Variants in MARK3 observed in about 807,000 individuals in gnomAD.
MARK3 encodes MAP/microtubule affinity-regulating kinase 3.
In MARK3, 46 loss-of-function variants were observed where a neutral mutation model predicts 90.1. The ratio of observed to expected loss-of-function variants is 0.51; its 90% CI spans 0.40 to 0.65. MARK3 has a LOEUF of 0.65. MARK3 is among the 30% of genes least tolerant of loss of function. The pLI, the probability that MARK3 is intolerant of heterozygous loss-of-function variation, is 0.00. For missense variants in MARK3, 818 were observed against 947.2 expected (o/e 0.86, Z 1.79); for synonymous variants, 321 against 332.6 (o/e 0.97, Z 0.38).
chr14:103,411,092 G>A (rs1254293880), intron 2 of MARK3, among the ~76,000 whole-genome samples: 2 of 152,138 alleles, frequency 1.3e-5, no homozygotes, highest in Non-Finnish European at 2.9e-5. Context: ...GGATAACACG[G>A]TGAAACCCTG....
chr14:103,460,071 A>ATTTTTT (rs1566882596), intron 6 of MARK3, among the ~76,000 whole-genome samples: 12 of 45,574 alleles, frequency 2.6e-4, no homozygotes, highest in South Asian at 2.4e-3. Flanking sequence ...TTCCAGCTCC[A>ATTTTTT]TCTTTTTTTT....
At chr14:103,502,487 G>A (rs1173764205) in intron 17 of MARK3, among the ~76,000 whole-genome samples, 1 of 152,232 alleles carries the variant, frequency 6.6e-6, no homozygotes, top group African/African-American at 2.4e-5. Flanking sequence ...GAGAGGGACA[G>A]CCCAGGGTGG....
intron 15 of MARK3, among the ~76,000 whole-genome samples, chr14:103,495,979 A>G: frequency 6.6e-6 from 1 of 152,150 alleles, no homozygotes; most frequent in East Asian, 1.9e-4. Context: ...GGAAGCCTGC[A>G]CTCTGCTTGG....
chr14:103,424,876 G>A (rs904993858), intron 2 of MARK3, among the ~76,000 whole-genome samples: 7 of 152,150 alleles, frequency 4.6e-5, no homozygotes, highest in African/African-American at 1.4e-4. Context: ...AACACCAGAA[G>A]CCCTGTTTTT....
intron 1 of MARK3, among the ~76,000 whole-genome samples, chr14:103,388,865 C>T (rs185344983): frequency 6.6e-6 from 1 of 152,164 alleles, no homozygotes; most frequent in African/African-American, 2.4e-5. Context: ...CTTTTTATTG[C>T]TGAGTAAGTA....
chr14:103,402,147 C>G (rs1327384957), intron 1 of MARK3, among the ~76,000 whole-genome samples: 1 of 152,126 alleles, frequency 6.6e-6, no homozygotes, highest in Non-Finnish European at 1.5e-5. Flanking sequence ...ACACAAAAAG[C>G]CTGTCCTTGT....
chr14:103,473,298 T>TA (rs1214653478), intron 12 of MARK3, among the ~76,000 whole-genome samples: 2 of 152,130 alleles, frequency 1.3e-5, no homozygotes, highest in Non-Finnish European at 2.9e-5. Context: ...GAACATGTAA[T>TA]AAAAGAGTAT....
intron 3 of MARK3, among the ~76,000 whole-genome samples, chr14:103,436,305 G>A (rs2092714832): frequency 1.3e-5 from 2 of 152,094 alleles, no homozygotes; most frequent in South Asian, 4.1e-4. Context: ...TCCTAGGAAT[G>A]CCTTAGTACC....
rs182661214 is a variant in MARK3 at position 103,405,542 on chromosome 14, C to T, written c.243+275C>T. Among the ~76,000 whole-genome samples, 19 of 151,944 alleles carry T rather than the reference C, an allele frequency of 1.3e-4. 1 individual carries two copies. Among genetic ancestry groups the T allele is most frequent in the African/African-American group, 3.9e-4 (16 of 41,362 alleles). On this transcript the variant is annotated intron_variant, in intron 2 of 17. Transcript: ENST00000429436. ...ATTTTTTGTAGAGACAGGGTTTCAC[C>T]GTGTTAGCCAGGATGGTCTCGATCT...
At chr14:103,496,570 G>A (rs541070582) in intron 15 of MARK3, among the ~76,000 whole-genome samples, 3 of 151,892 alleles carry the variant, frequency 2.0e-5, no homozygotes, top group Admixed American at 1.3e-4. Context: ...ATGTCACCAC[G>A]CCCAGCTAAT....
chr14:103,452,004 A>G, intron 5 of MARK3, 21 bp downstream of exon 5: 1 of 1,551,570 alleles, frequency 6.4e-7, no homozygotes, highest in South Asian at 1.1e-5. Flanking sequence ...TTTTATATAT[A>G]TTGGGTTTTT....
At chr14:103,389,528 C>CAAGAAAAAAA (rs2090069948) in intron 1 of MARK3, among the ~76,000 whole-genome samples, 1 of 49,864 alleles carries the variant, frequency 2.0e-5, no homozygotes, top group Non-Finnish European at 3.4e-5. Context: ...ACTCTGTCTC[C>CAAGAAAAAAA]AAAAAAAAAA....
At chr14:103,477,549 T>C (rs553186618) in intron 13 of MARK3, among the ~76,000 whole-genome samples, 6 of 152,166 alleles carry the variant, frequency 3.9e-5, no homozygotes, top group African/African-American at 1.4e-4. Context: ...TAGTTTTTTG[T>C]TTTGGAAGTT....
At chr14:103,414,206 CTT>C (rs58495929) in intron 2 of MARK3, among the ~76,000 whole-genome samples, 5 of 140,606 alleles carry the variant, frequency 3.6e-5, no homozygotes, top group Admixed American at 1.4e-4. Flanking sequence ...TCTTTTCTTT[CTT>C]TTTTTTTTTT....
chr14:103,442,078 C>T (rs1454431923), intron 3 of MARK3, among the ~76,000 whole-genome samples: 1 of 151,968 alleles, frequency 6.6e-6, no homozygotes, highest in East Asian at 1.9e-4. Context: ...TAATATACAG[C>T]ACCTCCATGG....
At chr14:103,479,102 C>T (rs952791108) in intron 13 of MARK3, among the ~76,000 whole-genome samples, 1 of 152,136 alleles carries the variant, frequency 6.6e-6, no homozygotes, top group African/African-American at 2.4e-5. Context: ...CTCATTGCAA[C>T]TTCGACCTCC....
At chr14:103,455,942 A>G (rs894957753) in intron 5 of MARK3, among the ~76,000 whole-genome samples, 3 of 152,176 alleles carry the variant, frequency 2.0e-5, no homozygotes, top group East Asian at 1.9e-4. Flanking sequence ...TGAAGTAAAG[A>G]TGTTTCCTGA....
chr14:103,500,000 A>T, intron 16 of MARK3, 156 bp from the exon 17 acceptor site: 1 of 669,280 alleles, frequency 1.5e-6, no homozygotes, highest in Non-Finnish European at 2.7e-6. Context: ...CAGTCAAATG[A>T]GAGGAAGAGT....
At position 103,462,396 on chromosome 14, in the gene MARK3, C is replaced by T. The variant is rs369863651; in HGVS notation, c.484-9C>T. 1.8e-5 allele frequency: 28 copies of T among 1,597,176 alleles called. No individual in the cohort carries two copies. In the African/African-American group the frequency reaches 2.3e-4, roughly 13 times the overall value. On this transcript the variant is annotated splice_polypyrimidine_tract_variant and intron_variant, in intron 6 of 17. Transcript: ENST00000429436. ...CAGTGATGACTGACTCTGCGTCTCT[C>T]CTATTCAGATTGTGTCTGCAGTTCA... is the stretch of plus-strand genomic sequence containing the variant.
Sources: gnomAD v4.1 joint callset for allele counts (sites outside exome capture counted in the v4.1 genomes callset) on GRCh38, gnomAD v4.1.1 for gene constraint, MANE v1.5 for transcripts, NCBI Gene and HGNC (gene_info 2026-07-23, HGNC 2026-07-21) for gene names.